Variants in ZNF516 observed in about 807,000 individuals in gnomAD.
The protein encoded by ZNF516 is zinc finger protein 516.
ZNF516 carries 19 observed loss-of-function variants against 79.7 expected under a neutral mutation model. That is an observed-to-expected ratio of 0.24 (90% CI 0.17 to 0.35). ZNF516 has a LOEUF of 0.35. ZNF516 is among the 10% of genes least tolerant of loss of function. The pLI is 1.00. For synonymous variants in ZNF516, 877 were observed against 739.5 expected (o/e 1.19, Z -3.02); for missense variants, 1,678 against 1,679.5 (o/e 1.00, Z 0.02).
intron 3 of ZNF516, chr18:76,385,780 C>G (rs567089512): frequency 2.0e-5 from 3 of 150,624 alleles, no homozygotes; most frequent in East Asian, 1.9e-4. Flanking sequence ...TGCACTGCCC[C>G]CCCCCCGGGA....
chr18:76,397,019 A>T (rs745363608), intron 3 of ZNF516, among the ~76,000 whole-genome samples: 58 of 152,226 alleles, frequency 3.8e-4, no homozygotes, highest in Non-Finnish European at 1.5e-4. Context: ...TAACCCAGAC[A>T]GACTCAGTGC....
chr18:76,409,089 T>C (rs947811147), intron 3 of ZNF516, among the ~76,000 whole-genome samples: 3 of 152,230 alleles, frequency 2.0e-5, no homozygotes, highest in South Asian at 2.1e-4. Flanking sequence ...ATCATTTATA[T>C]ATAAAATCTC....
intron 2 of ZNF516, among the ~76,000 whole-genome samples, chr18:76,460,224 C>G (rs1215985170): frequency 6.6e-6 from 1 of 152,224 alleles, no homozygotes; most frequent in Non-Finnish European, 1.5e-5. Flanking sequence ...TCTGCCTGCA[C>G]TCACCGTCCA....
At chr18:76,413,728 G>A (rs890542060) in intron 3 of ZNF516, among the ~76,000 whole-genome samples, 15 of 152,196 alleles carry the variant, frequency 9.9e-5, no homozygotes, top group Admixed American at 8.5e-4. Context: ...TTGGGCAGGG[G>A]TTCAATGTGA....
At chr18:76,368,063 T>C (rs918528180) in intron 6 of ZNF516, among the ~76,000 whole-genome samples, 12 of 152,160 alleles carry the variant, frequency 7.9e-5, no homozygotes, top group African/African-American at 2.7e-4. Flanking sequence ...ACGCTAAACA[T>C]GAAAAAGAAC....
At chr18:76,485,945 T>G (rs963975486) in intron 1 of ZNF516, among the ~76,000 whole-genome samples, 1 of 114,172 alleles carries the variant, frequency 8.8e-6, no homozygotes, top group African/African-American at 2.8e-5. Context: ...CATACTTTTT[T>G]GCTCTAGGTT....
chr18:76,428,231 CAA>C (rs879590266), intron 3 of ZNF516, among the ~76,000 whole-genome samples: 1 of 141,164 alleles, frequency 7.1e-6, no homozygotes, highest in Non-Finnish European at 1.6e-5. Flanking sequence ...ACTAAAAATG[CAA>C]AAAAAAAAAA....
At chr18:76,490,588 C>T (rs1277966121) in intron 1 of ZNF516, 2 of 206,348 alleles carry the variant, frequency 9.7e-6, no homozygotes, top group African/African-American at 4.7e-5. Flanking sequence ...TTTTGGGAGG[C>T]TAGCCACCGT....
chr18:76,357,935 A>G lies in ZNF516; in HGVS notation c.*4563T>C, dbSNP rs2074479256. On this transcript the variant is annotated 3_prime_UTR_variant, in exon 7 of 7. Transcript: ENST00000443185. ...AACATGTGTGCTGTGAAAGAAAATG[A>G]GAAAAACACAGCGTCTCCATTAAAA... is the stretch of plus-strand genomic sequence containing the variant. 6.6e-6 allele frequency among the ~76,000 whole-genome samples: 1 copy of G among 152,182 alleles called. No individual in the cohort carries two copies. The highest frequency in any genetic ancestry group is 1.5e-5 in the Non-Finnish European group (1 of 68,034).
At chr18:76,485,484 C>A (rs980586666) in intron 1 of ZNF516, among the ~76,000 whole-genome samples, 3 of 152,142 alleles carry the variant, frequency 2.0e-5, no homozygotes, top group African/African-American at 7.2e-5. Context: ...TGGGGACACA[C>A]GTGTGGATGA....
Position 76,493,189 on chromosome 18 carries a change from C to T in ZNF516, c.-272+1955G>A. 3.0e-6 allele frequency: 3 copies of T among 984,928 alleles called. No individual in the cohort carries two copies. The highest frequency in any genetic ancestry group is 3.6e-6 in the Non-Finnish European group (3 of 829,626). The allele number at this position is 984,928 out of a possible 1,614,324, so 61.0% of individuals were successfully genotyped here. On this transcript the variant is annotated intron_variant, in intron 1 of 6. Transcript: ENST00000443185. The surrounding 1 kb of genome is among the most constrained non-coding windows in gnomAD (Gnocchi z 5.2). ...AGTTAGCCATCTGCGCAGAGTTTGC[C>T]TTCTTTAAGGAGGGAGGCGTCAGAC... is the stretch of plus-strand genomic sequence containing the variant.
intron 1 of ZNF516, among the ~76,000 whole-genome samples, chr18:76,485,868 T>TTA (rs1914799047): frequency 7.2e-6 from 1 of 138,252 alleles, no homozygotes; most frequent in Non-Finnish European, 1.6e-5. Context: ...CTCATTTCTT[T>TTA]AAAAAAAAAA....
At chr18:76,387,683 G>A (rs1332245263) in intron 3 of ZNF516, 2 of 152,262 alleles carry the variant, frequency 1.3e-5, no homozygotes, top group Non-Finnish European at 2.9e-5. Context: ...GGACAGGAAG[G>A]AGAACACGGC....
intron 1 of ZNF516, among the ~76,000 whole-genome samples, chr18:76,473,550 A>C (rs12970895): frequency 0.29 from 43,977 of 151,924 alleles, 7,821 homozygotes; most frequent in East Asian, 0.45. Flanking sequence ...GCCTGTAATC[A>C]CAGCACTTTG....
At chr18:76,385,596 TA>T (rs1358294679) in intron 3 of ZNF516, 11 of 152,248 alleles carry the variant, frequency 7.2e-5, no homozygotes, top group Non-Finnish European at 1.5e-4. Context: ...CATGGGTGTT[TA>T]AAGCACTTCA....
intron 2 of ZNF516, among the ~76,000 whole-genome samples, chr18:76,458,841 T>C (rs1441120838): frequency 3.4e-5 from 5 of 145,548 alleles, no homozygotes; most frequent in Non-Finnish European, 6.0e-5. Context: ...CACCGTTGTG[T>C]GTGTGCATGC....
intron 2 of ZNF516, among the ~76,000 whole-genome samples, chr18:76,446,553 C>T (rs1912062441): frequency 6.6e-6 from 1 of 152,202 alleles, no homozygotes; most frequent in African/African-American, 2.4e-5. Flanking sequence ...CCTTGCACAG[C>T]CTTGACTCCC....
At chr18:76,445,064 AC>A (rs1350249955) in intron 2 of ZNF516, among the ~76,000 whole-genome samples, 1 of 152,168 alleles carries the variant, frequency 6.6e-6, no homozygotes, top group African/African-American at 2.4e-5. Context: ...AGAGATGCCC[AC>A]CCAGAGGAGC....
At chr18:76,462,166 GAC>G (rs1445539589) in intron 2 of ZNF516, among the ~76,000 whole-genome samples, 3 of 152,160 alleles carry the variant, frequency 2.0e-5, no homozygotes, top group Non-Finnish European at 4.4e-5. Context: ...ATGCCCACGG[GAC>G]ACACTTCCAC....
Sources: allele counts gnomAD v4.1 joint callset (sites outside exome capture counted in the v4.1 genomes callset), GRCh38; gene constraint gnomAD v4.1.1; non-coding constraint Gnocchi (gnomAD v3.1); transcripts MANE v1.5; gene names NCBI Gene and HGNC (gene_info 2026-07-23, HGNC 2026-07-21).